Variants in VPS35 observed in about 807,000 individuals in gnomAD.
The protein encoded by VPS35 is VPS35 retromer complex component, also known as vacuolar protein sorting-associated protein 35.
VPS35 carries 21 observed loss-of-function variants against 98.1 expected under a neutral mutation model. The ratio of observed to expected loss-of-function variants is 0.21; its 90% CI spans 0.15 to 0.31. VPS35 has a LOEUF of 0.31. Among genes scored for constraint, VPS35 ranks in the 10% least tolerant of loss-of-function variants. The pLI is 1.00. For missense variants in VPS35, 554 were observed against 950.8 expected (o/e 0.58, Z 5.49); for synonymous variants, 268 against 318.2 (o/e 0.84, Z 1.68).
At chr16:46,684,793 G>A (rs1447382045) in intron 1 of VPS35, among the ~76,000 whole-genome samples, 4 of 152,112 alleles carry the variant, frequency 2.6e-5, no homozygotes, top group African/African-American at 4.8e-5. Context: ...AACAAAAAAA[G>A]ACTGAATAAT....
At position 46,664,333 on chromosome 16, in the gene VPS35, T is replaced by C. The variant is rs142390271; in HGVS notation, c.1648-1171A>G. On this transcript the variant is annotated intron_variant, in intron 13 of 16. Coordinates refer to ENST00000299138, the MANE Select transcript of VPS35 (RefSeq NM_018206.6). ...CACCACGCCCTGCTATTTTTTGTAT[T>C]TTTAGTAGAGAAGGGGTTTCACCTT... Among the ~76,000 whole-genome samples, 452 of 152,114 alleles carry C rather than the reference T, an allele frequency of 3.0e-3. 2 individuals are homozygous for C. The highest frequency in any genetic ancestry group is 6.8e-3 in the Middle Eastern group (2 of 294).
intron 13 of VPS35, among the ~76,000 whole-genome samples, chr16:46,666,266 TA>T (rs1482834504): frequency 1.3e-5 from 2 of 150,056 alleles, no homozygotes; most frequent in Non-Finnish European, 3.0e-5. Flanking sequence ...GCTAATTTTT[TA>T]ATTTTTTTTT....
At chr16:46,685,042 G>A (rs1966290475) in intron 1 of VPS35, among the ~76,000 whole-genome samples, 1 of 152,164 alleles carries the variant, frequency 6.6e-6, no homozygotes, top group Non-Finnish European at 1.5e-5. Context: ...TCACTTAATG[G>A]GCACTGGCTT....
intron 12 of VPS35, 120 bp from the exon 13 acceptor site, chr16:46,669,172 T>G: frequency 1.6e-5 from 20 of 1,243,718 alleles, no homozygotes; most frequent in Non-Finnish European, 2.0e-5. Context: ...GTACCATACT[T>G]TATGGTAGGC....
chr16:46,681,256 T>C (rs1966230202), intron 4 of VPS35, 121 bp downstream of exon 4: 2 of 1,339,730 alleles, frequency 1.5e-6, no homozygotes, highest in Non-Finnish European at 2.1e-6. Context: ...TCTACCAAAA[T>C]GTTCATCTCA....
rs1295539801 is a variant in VPS35 at position 46,661,962 on chromosome 16, G to A, written c.2068-101C>T. ...CCGTGGCTCTTTCGTGTTTTAAAGG[G>A]ACATAACAAATTTAAATCCTTTTCA... is the stretch of plus-strand genomic sequence containing the variant. On this transcript the variant is annotated intron_variant, in intron 15 of 16. Coordinates refer to ENST00000299138, the MANE Select transcript of VPS35 (RefSeq NM_018206.6). This position sits in a 1 kb window ranked among gnomAD's most constrained non-coding sequence, Gnocchi z 4.3. The A allele has an allele frequency of 1.3e-6, 2 of 1,505,258 alleles. No individual in the cohort carries two copies. Among genetic ancestry groups the A allele is most frequent in the African/African-American group, 2.8e-5 (2 of 71,898 alleles). 93.2% of individuals were successfully genotyped at this position (1,505,258 alleles called of 1,614,324 possible). A position where few individuals can be genotyped will look rare whatever the true frequency, so the allele number is the denominator to read the frequency against.
At chr16:46,688,502 A>G (rs1460246081) in intron 1 of VPS35, 4 of 987,720 alleles carry the variant, frequency 4.0e-6, no homozygotes, top group Non-Finnish European at 3.6e-6. Flanking sequence ...CACAAATGCT[A>G]AAGTAAACAA....
At chr16:46,684,771 G>T (rs1033982013) in intron 1 of VPS35, among the ~76,000 whole-genome samples, 2 of 152,086 alleles carry the variant, frequency 1.3e-5, no homozygotes, top group African/African-American at 4.8e-5. Flanking sequence ...GTTTTAGAAT[G>T]TTTAGATATT....
At position 46,672,364 on chromosome 16, in the gene VPS35, T is replaced by C. The variant is rs1168729520; in HGVS notation, c.1269A>G (p.Pro423=). The part of the protein sequence containing the change: ...LTVLKLKHFH[P]LFEYFDYESR... ...ACTCGTAGTCAAAGTACTCAAAGAG[T>C]GGGTGAAAATGTTTTAATTTCAAGA... Residue 423 remains proline, a synonymous_variant, in exon 11 of 17, where the codon CCA becomes CCG. Coordinates refer to ENST00000299138, the MANE Select transcript of VPS35 (RefSeq NM_018206.6). The C allele has an allele frequency of 5.0e-6, 8 of 1,613,494 alleles. No individual in the cohort carries two copies. The highest frequency in any genetic ancestry group is 5.9e-6 in the Non-Finnish European group (7 of 1,179,758).
chr16:46,672,231 G>A, intron 11 of VPS35, 34 bp downstream of exon 11: 1 of 1,591,328 alleles, frequency 6.3e-7, no homozygotes, highest in Non-Finnish European at 8.6e-7. Context: ...TTGTAACACT[G>A]TTTCCCTAAA....
In VPS35 at chr16:46,661,910, G is replaced by A. The variant is rs377580366; in HGVS notation, c.2068-49C>T. 1.9e-5 allele frequency: 30 copies of A among 1,611,388 alleles called. No individual in the cohort carries two copies. The highest frequency in any genetic ancestry group is 1.6e-4 in the Middle Eastern group (1 of 6,078). On this transcript the variant is annotated intron_variant, in intron 15 of 16. Coordinates refer to ENST00000299138, the MANE Select transcript of VPS35 (RefSeq NM_018206.6). The surrounding 1 kb of genome is among the most constrained non-coding windows in gnomAD (Gnocchi z 4.3). ...AGTGAAGAGATTAATGAAACATCTC[G>A]TTTTCATACAAAGAAACACAACACT...
At chr16:46,666,350 C>A (rs1385015249) in intron 13 of VPS35, among the ~76,000 whole-genome samples, 1 of 151,522 alleles carries the variant, frequency 6.6e-6, no homozygotes, top group African/African-American at 2.4e-5. Flanking sequence ...CTCACCACAA[C>A]CTCTGCGTCC....
intron 13 of VPS35, among the ~76,000 whole-genome samples, chr16:46,667,376 T>C (rs961765512): frequency 6.6e-6 from 1 of 152,200 alleles, no homozygotes; most frequent in Non-Finnish European, 1.5e-5. Flanking sequence ...TTCAGATGTA[T>C]AGTTTGCAAA....
intron 12 of VPS35, 136 bp downstream of exon 12, chr16:46,671,569 T>C: frequency 1.6e-6 from 2 of 1,289,906 alleles, no homozygotes; most frequent in Non-Finnish European, 2.2e-6. Flanking sequence ...CCTCCCAGGT[T>C]CAAGTGAATC....
At chr16:46,686,246 T>C (rs1966312471) in intron 1 of VPS35, among the ~76,000 whole-genome samples, 1 of 152,138 alleles carries the variant, frequency 6.6e-6, no homozygotes, top group Admixed American at 6.5e-5. Flanking sequence ...TATTTCATTA[T>C]ATATCTATAT....
intron 1 of VPS35, 100 bp from the exon 2 acceptor site, chr16:46,683,706 C>T (rs1410248078): frequency 3.2e-6 from 4 of 1,240,416 alleles, no homozygotes; most frequent in African/African-American, 1.5e-5. Flanking sequence ...CAATGTCCAG[C>T]TCTATACCTC....
intron 12 of VPS35, chr16:46,669,300 C>A: frequency 2.0e-6 from 1 of 512,088 alleles, no homozygotes; most frequent in Non-Finnish European, 3.5e-6. Flanking sequence ...CCCAAGGTAG[C>A]GAGTTAGAAG....
chr16:46,667,133 TTC>T (rs1300294338), intron 13 of VPS35, among the ~76,000 whole-genome samples: 2 of 152,244 alleles, frequency 1.3e-5, no homozygotes, highest in African/African-American at 2.4e-5. Flanking sequence ...ACACTTGATT[TTC>T]TGTTTTTTTG....
chr16:46,681,874 C>T, intron 3 of VPS35: 1 of 578,608 alleles, frequency 1.7e-6, no homozygotes, highest in Non-Finnish European at 3.1e-6. Context: ...ACCGACAACA[C>T]ATTTAAAGAT....
Sources: gnomAD v4.1 joint callset for allele counts (sites outside exome capture counted in the v4.1 genomes callset) on GRCh38, gnomAD v4.1.1 for gene constraint, Gnocchi (gnomAD v3.1) non-coding constraint, MANE v1.5 for transcripts, NCBI Gene and HGNC (gene_info 2026-07-23, HGNC 2026-07-21) for gene names.